The following ATP5F1C variants were observed in gnomAD, a reference collection of about 807,000 sequenced individuals.
ATP5F1C encodes the protein ATP synthase F1 subunit gamma.
ATP5F1C carries 22 observed loss-of-function variants against 37.4 expected under a neutral mutation model. The ratio of observed to expected loss-of-function variants is 0.59; its 90% confidence interval spans 0.42 to 0.84. The LOEUF (loss-of-function observed/expected upper bound fraction) is 0.84, where lower values mean the gene tolerates loss of function less well. Ranked by LOEUF, ATP5F1C falls within the 40% of genes least tolerant of loss-of-function variation. The pLI, the probability that ATP5F1C is intolerant of heterozygous loss-of-function variation, is 0.00. For synonymous variants in ATP5F1C, 121 were observed against 128.0 expected, an observed-to-expected ratio of 0.95 and a Z score of 0.37; for missense variants, 286 against 362.4, an observed-to-expected ratio of 0.79 and a Z score of 1.71.
At chr10:7,796,949 C>T (rs1836250811) in intron 2 of ATP5F1C, 98 bp from the exon 3 acceptor site, 5 of 1,309,148 alleles carry the variant, frequency 3.8e-6, no homozygotes, top group Admixed American at 4.6e-5. Context: ...TCTAAGCGCT[C>T]ATTATTCTGC....
chr10:7,790,690 T>G (rs1836148735), intron 1 of ATP5F1C, among the ~76,000 whole-genome samples: 1 of 152,216 alleles, frequency 6.6e-6, no homozygotes, highest in African/African-American at 2.4e-5. Context: ...AGAGAGACTC[T>G]GTAGCCAGCC....
chr10:7,800,265 G>A (rs1056557889), intron 6 of ATP5F1C, among the ~76,000 whole-genome samples, 174 bp downstream of exon 6: 2 of 152,056 alleles, frequency 1.3e-5, no homozygotes, highest in Admixed American at 6.5e-5. Context: ...GCACCATCTC[G>A]GCTCACTGCA....
At chr10:7,806,909 T>C (rs1836493252) in intron 8 of ATP5F1C, 65 bp from the exon 9 acceptor site, 1 of 1,394,906 alleles carries the variant, frequency 7.2e-7, no homozygotes, top group African/African-American at 1.4e-5. Flanking sequence ...TGTGATTAAC[T>C]AGCATGGATT....
intron 6 of ATP5F1C, 108 bp downstream of exon 6, chr10:7,800,199 T>C: frequency 1.7e-6 from 2 of 1,171,450 alleles, no homozygotes; most frequent in Non-Finnish European, 2.5e-6. Flanking sequence ...GCAAATGATT[T>C]GGGGCTGTTT....
intron 8 of ATP5F1C, among the ~76,000 whole-genome samples, chr10:7,806,654 C>CAA (rs34887547): frequency 4.1e-4 from 52 of 126,704 alleles, no homozygotes; most frequent in East Asian, 1.7e-3. Flanking sequence ...ACTCCATCTC[C>CAA]AAAAAAAAAA....
chr10:7,798,733 G>A (rs929924457), intron 3 of ATP5F1C, among the ~76,000 whole-genome samples: 2 of 151,036 alleles, frequency 1.3e-5, no homozygotes, highest in Non-Finnish European at 2.9e-5. Flanking sequence ...ATTTCACTAC[G>A]TTGGCCAGGC....
chr10:7,800,700 C>T lies in ATP5F1C; in HGVS notation c.637+609C>T, dbSNP rs191205914. On this transcript the variant is annotated intron_variant, in intron 6 of 9. Transcript: ENST00000356708. ...AGTAGAGACAGCATTTCACCGTGTT[C>T]GCCAGGCTGGTCTTGAACTCCTGCC... is the stretch of plus-strand genomic sequence containing the variant. Among the ~76,000 whole-genome samples, 566 of 151,842 alleles carry T rather than the reference C, an allele frequency of 3.7e-3. 6 individuals are homozygous for T. The highest frequency in any genetic ancestry group is 0.013 in the African/African-American group (533 of 41,414).
rs3949679 is a variant in ATP5F1C at position 7,791,059 on chromosome 10, T to A, written c.56+2796T>A. Among the ~76,000 whole-genome samples the A allele has an allele frequency of 5.5e-3, 843 of 152,260 alleles. 8 individuals are homozygous for A. Among genetic ancestry groups the A allele is most frequent in the South Asian group, 0.024 (115 of 4,822 alleles). ...GCTCACGTCTGTAATCCCAGCATTTTGAGAGGCCGAGGCGGGCGGATCACA... is the reference window on the plus strand; with the variant it reads ...GCTCACGTCTGTAATCCCAGCATTTAGAGAGGCCGAGGCGGGCGGATCACA... On this transcript the variant is annotated intron_variant, in intron 1 of 9. Coordinates refer to ENST00000356708, the MANE Select transcript of ATP5F1C (RefSeq NM_001001973.3).
chr10:7,796,011 G>C, intron 1 of ATP5F1C, 110 bp from the exon 2 acceptor site: 1 of 796,950 alleles, frequency 1.3e-6, no homozygotes, highest in Non-Finnish European at 2.0e-6. Context: ...TTGATAGATT[G>C]TTTCTTTATG....
At chr10:7,799,493 T>G (rs1836309579) in intron 4 of ATP5F1C, 1 of 557,104 alleles carries the variant, frequency 1.8e-6, no homozygotes, top group Non-Finnish European at 3.2e-6. Context: ...TCTGAGGAGC[T>G]GTTACAGCCT....
At chr10:7,790,039 C>A (rs190104278) in intron 1 of ATP5F1C, among the ~76,000 whole-genome samples, 2 of 152,202 alleles carry the variant, frequency 1.3e-5, no homozygotes, top group African/African-American at 4.8e-5. Context: ...CTGTCTTCTT[C>A]TTTTCATGTA....
At chr10:7,796,270 A>G in intron 2 of ATP5F1C, 115 bp downstream of exon 2, 1 of 888,680 alleles carries the variant, frequency 1.1e-6, no homozygotes, top group South Asian at 2.0e-5. Flanking sequence ...AAAACTGACC[A>G]AATGGATTTC....
chr10:7,792,617 T>G (rs941921545), intron 1 of ATP5F1C, among the ~76,000 whole-genome samples: 4 of 152,200 alleles, frequency 2.6e-5, no homozygotes, highest in African/African-American at 9.7e-5. Context: ...TTTGCTTTTT[T>G]TCAGATGGCC....
chr10:7,802,913 T>C, intron 8 of ATP5F1C, 59 bp downstream of exon 8: 1 of 1,448,786 alleles, frequency 6.9e-7, no homozygotes, highest in Non-Finnish European at 9.5e-7. Flanking sequence ...TGTGTCTGCT[T>C]GTTTGGATGC....
At chr10:7,795,554 C>T (rs1196794158) in intron 1 of ATP5F1C, among the ~76,000 whole-genome samples, 2 of 152,126 alleles carry the variant, frequency 1.3e-5, no homozygotes, top group Non-Finnish European at 2.9e-5. Context: ...ACCTTGTTTA[C>T]AAGGTAACAA....
At chr10:7,802,470 A>G in intron 7 of ATP5F1C, 45 bp downstream of exon 7, 1 of 1,574,380 alleles carries the variant, frequency 6.4e-7, no homozygotes, top group Non-Finnish European at 8.6e-7. Context: ...GCTTGTGAGC[A>G]CACAGTGAAT....
At chr10:7,802,915 T>C in intron 8 of ATP5F1C, 61 bp downstream of exon 8, 1 of 1,438,914 alleles carries the variant, frequency 6.9e-7, no homozygotes, top group Non-Finnish European at 9.6e-7. Context: ...TGTCTGCTTG[T>C]TTGGATGCTT....
At position 7,807,743 on chromosome 10, in the gene ATP5F1C, A is replaced by T; in HGVS notation, c.*115A>T. On this transcript the variant is annotated 3_prime_UTR_variant, in exon 10 of 10. Transcript: ENST00000356708. ...AAGAAACTGTTCCTCCATTATTTGA[A>T]TTACTGAAGACAGCAAGATATTTGT... The T allele has an allele frequency of 1.4e-6, 2 of 1,454,616 alleles. No homozygotes were observed. The highest frequency in any genetic ancestry group is 3.9e-5 in the Admixed American group (2 of 51,756). The allele number at this position is 1,454,616 out of a possible 1,614,324, so 90.1% of individuals were successfully genotyped here.
At chr10:7,788,661 C>G (rs1390142021) in intron 1 of ATP5F1C, among the ~76,000 whole-genome samples, 12 of 152,170 alleles carry the variant, frequency 7.9e-5, no homozygotes. Context: ...GAGCAATAGC[C>G]CAGGGGAAGG....
Sources: allele counts gnomAD v4.1 joint callset (sites outside exome capture counted in the v4.1 genomes callset), GRCh38; gene constraint gnomAD v4.1.1; transcripts MANE v1.5; gene names NCBI Gene and HGNC (gene_info 2026-07-23, HGNC 2026-07-21).